Variants in TNRC18 observed in about 807,000 individuals in gnomAD.
TNRC18 encodes the protein trinucleotide repeat-containing gene 18 protein.
In TNRC18, 69 loss-of-function variants were observed where a neutral mutation model predicts 226.7. The ratio of observed to expected loss-of-function variants is 0.30; its 90% confidence interval spans 0.25 to 0.37. The LOEUF is 0.37. Ranked by LOEUF, TNRC18 falls within the 10% of genes least tolerant of loss-of-function variation. The probability of loss-of-function intolerance (pLI) is 1.00; values close to 1 mark genes in which losing one functional copy is unlikely to be tolerated. For synonymous variants in TNRC18, 2,449 were observed against 1,927.6 expected (o/e 1.27, Z -7.09); for missense variants, 4,754 against 4,256.6 (o/e 1.12, Z -3.25).
chr7:5,312,563 G>C lies in TNRC18; in HGVS notation c.8328C>G (p.Pro2776=). 1 of 1,611,374 alleles carries C rather than the reference G, an allele frequency of 6.2e-7. No homozygotes were observed. The highest frequency in any genetic ancestry group is 2.2e-5 in the East Asian group (1 of 44,858). Reference sequence around the variant, plus strand: ...GGGCTGGCAGGAAGGCGGCGATCTTGGGCCGGTTCTCCACGGACGGCAGGC... The same window carrying C: ...GGGCTGGCAGGAAGGCGGCGATCTTCGGCCGGTTCTCCACGGACGGCAGGC... ...RQRLPSVENR[P]KIAAFLPARQ... is the part of the protein sequence containing the mutation. Residue 2776 remains proline, a synonymous_variant, in exon 27 of 30, where the codon CCC becomes CCG. Coordinates refer to ENST00000430969, the MANE Select transcript of TNRC18 (RefSeq NM_001080495.3). This position sits in a 1 kb window ranked among gnomAD's most constrained non-coding sequence, Gnocchi z 6.3.
Position 5,309,400 on chromosome 7 carries a change from C to T in TNRC18, c.8389-32G>A. ...GGACACGTGTGTCACGGCACAGGCC[C>T]TGGCCCAGCCCCAAGGAGCCCGCCG... On this transcript the variant is annotated intron_variant, in intron 27 of 29. Coordinates refer to ENST00000430969, the MANE Select transcript of TNRC18 (RefSeq NM_001080495.3). This position sits in a 1 kb window ranked among gnomAD's most constrained non-coding sequence, Gnocchi z 5.7. 2 of 1,568,630 alleles carry T rather than the reference C, an allele frequency of 1.3e-6. No homozygotes were observed. The highest frequency in any genetic ancestry group is 1.7e-6 in the Non-Finnish European group (2 of 1,155,868).
intron 2 of TNRC18, among the ~76,000 whole-genome samples, chr7:5,404,603 G>A (rs534680979): frequency 1.3e-5 from 2 of 152,194 alleles, no homozygotes; most frequent in Admixed American, 1.3e-4. Context: ...AAACAAATCC[G>A]CAAGGCTTAC....
At chr7:5,399,866 G>A (rs1176129930) in intron 2 of TNRC18, among the ~76,000 whole-genome samples, 6 of 130,624 alleles carry the variant, frequency 4.6e-5, no homozygotes, top group African/African-American at 8.5e-5. Flanking sequence ...CCCCGCCCCC[G>A]CCCCGTCTCT....
intron 16 of TNRC18, among the ~76,000 whole-genome samples, chr7:5,353,344 C>T (rs1308749409): frequency 6.6e-6 from 1 of 152,104 alleles, no homozygotes; most frequent in Non-Finnish European, 1.5e-5. Flanking sequence ...CGAGACCAGC[C>T]TGGCCAACAT....
intron 24 of TNRC18, among the ~76,000 whole-genome samples, chr7:5,317,876 T>A (rs866399570): frequency 7.3e-6 from 1 of 137,584 alleles, no homozygotes; most frequent in East Asian, 2.2e-4. Flanking sequence ...TGGATAATAA[T>A]TTTTTTTTTT....
chr7:5,323,276 G>C (rs375738412), intron 21 of TNRC18, among the ~76,000 whole-genome samples: 31 of 152,106 alleles, frequency 2.0e-4, no homozygotes, highest in African/African-American at 7.2e-4. Context: ...CTTCCCGATT[G>C]AGTCATCAAA....
intron 5 of TNRC18, among the ~76,000 whole-genome samples, chr7:5,378,331 G>C (rs941898584): frequency 2.0e-5 from 3 of 152,204 alleles, no homozygotes; most frequent in East Asian, 3.8e-4. Context: ...GATATTGTAA[G>C]AAAATGTCAT....
intron 17 of TNRC18, 142 bp from the exon 18 acceptor site, chr7:5,345,952 AC>A: frequency 8.0e-7 from 1 of 1,243,060 alleles, no homozygotes; most frequent in Non-Finnish European, 1.1e-6. Flanking sequence ...GTGGATGCAG[AC>A]CCAGCCCACG....
intron 18 of TNRC18, among the ~76,000 whole-genome samples, chr7:5,335,277 G>A (rs1789976882): frequency 8.7e-6 from 1 of 114,700 alleles, no homozygotes; most frequent in Non-Finnish European, 1.7e-5. Context: ...ACTACAGCCT[G>A]GGCCACAGAG....
At chr7:5,383,957 A>ATTTTTTTTTTTTTT in intron 5 of TNRC18, among the ~76,000 whole-genome samples, 1 of 78,802 alleles carries the variant, frequency 1.3e-5, no homozygotes, top group Non-Finnish European at 2.2e-5. Context: ...TACCCGGGTG[A>ATTTTTTTTTTTTTT]TTTTTTTTTT....
intron 25 of TNRC18, 142 bp from the exon 26 acceptor site, chr7:5,315,290 C>T: frequency 1.2e-6 from 1 of 867,230 alleles, no homozygotes; most frequent in Middle Eastern, 3.6e-4. Context: ...GCTCCCATGA[C>T]AGGCTGTGAG....
rs1225042368 is a variant in TNRC18, at chr7:5,312,361, A to G, written c.8388+142T>C. On this transcript the variant is annotated intron_variant, in intron 27 of 29. Coordinates refer to ENST00000430969, the MANE Select transcript of TNRC18 (RefSeq NM_001080495.3). This position sits in a 1 kb window ranked among gnomAD's most constrained non-coding sequence, Gnocchi z 6.3. ...GGACACTCTGAGACTCAGTGTACCC[A>G]TCCATAAAGTGGGACGCCAGCCCTC... 2 of 1,228,452 alleles carry G rather than the reference A, an allele frequency of 1.6e-6. No homozygotes were observed. The highest frequency in any genetic ancestry group is 2.2e-6 in the Non-Finnish European group (2 of 910,178). 76.1% of individuals were successfully genotyped at this position (1,228,452 alleles called of 1,614,324 possible). A position where few individuals can be genotyped will look rare whatever the true frequency, so the allele number is the denominator to read the frequency against.
intron 2 of TNRC18, among the ~76,000 whole-genome samples, chr7:5,397,867 G>A (rs1179941463): frequency 6.6e-6 from 1 of 152,144 alleles, no homozygotes; most frequent in Non-Finnish European, 1.5e-5. Flanking sequence ...TCTTCCCCGA[G>A]AGACAGTTCC....
At chr7:5,419,911 G>A (rs115559650) in intron 2 of TNRC18, 1,596 of 156,538 alleles carry the variant, frequency 0.01, 36 homozygotes, top group African/African-American at 0.037. Context: ...GAGACCCCAA[G>A]GAAGAGGGGA....
intron 17 of TNRC18, 126 bp downstream of exon 17, chr7:5,351,693 C>A (rs370857869): frequency 1.5e-5 from 16 of 1,068,982 alleles, no homozygotes; most frequent in African/African-American, 6.4e-5. Flanking sequence ...AGCCTTCTTG[C>A]GGCCATCCGC....
rs990880812 is a variant in TNRC18 at position 5,377,675 on chromosome 7, T to C, written c.2256-99A>G. The C allele has an allele frequency of 9.1e-6, 12 of 1,318,464 alleles. No individual in the cohort carries two copies. Among genetic ancestry groups the C allele is most frequent in the African/African-American group, 7.3e-5 (5 of 68,188 alleles). 81.7% of individuals were successfully genotyped at this position (1,318,464 alleles called of 1,614,324 possible). ...CAAGGAACTGTTTGCCACCAGGCCA[T>C]GAGTCAGGACAACCACTGCTCGGAA... On this transcript the variant is annotated intron_variant, in intron 6 of 29. Coordinates refer to ENST00000430969, the MANE Select transcript of TNRC18 (RefSeq NM_001080495.3). The surrounding 1 kb of genome is among the most constrained non-coding windows in gnomAD (Gnocchi z 5.8).
intron 15 of TNRC18, among the ~76,000 whole-genome samples, chr7:5,358,527 C>A (rs571522215): frequency 6.6e-6 from 1 of 152,218 alleles, no homozygotes; most frequent in Non-Finnish European, 1.5e-5. Flanking sequence ...ACCAAAATAC[C>A]CCTCAGCTGG....
intron 2 of TNRC18, chr7:5,407,006 G>C (rs886371531): frequency 6.6e-6 from 1 of 152,200 alleles, no homozygotes; most frequent in African/African-American, 2.4e-5. Context: ...CTCACCTCCC[G>C]CTGTGGGACC....
rs780588640 is a variant in TNRC18, at chr7:5,345,756, GCCTCGTCCTCCTCCTCGAGCTCCTCCT to G, written c.5498_5524del (p.Glu1833_Glu1841del). 2.0e-4 allele frequency: 309 copies of G among 1,548,274 alleles called. 4 individuals carry two copies. The South Asian group carries it at 2.9e-3, about 15-fold the overall frequency. The stretch of plus-strand genomic sequence containing the variant: ...ACCCAGCCTGTAGCCACCACCGCTG[GCCTCGTCCTCCTCCTCGAGCTCCTCCT>G]CCTCGTCCTCCTCCTCCGAGCTCTC... On this transcript the variant is annotated inframe_deletion, in exon 18 of 30. Coordinates refer to ENST00000430969, the MANE Select transcript of TNRC18 (RefSeq NM_001080495.3).
Sources: allele counts gnomAD v4.1 joint callset (sites outside exome capture counted in the v4.1 genomes callset), GRCh38; gene constraint gnomAD v4.1.1; non-coding constraint Gnocchi (gnomAD v3.1); transcripts MANE v1.5; gene names NCBI Gene and HGNC (gene_info 2026-07-23, HGNC 2026-07-21).